The following NPAS3 variants were observed in gnomAD, a reference collection of about 807,000 sequenced individuals.
The protein encoded by NPAS3 is neuronal PAS domain protein 3.
NPAS3 carries 14 observed loss-of-function variants against 73.1 expected under a neutral mutation model. The ratio of observed to expected loss-of-function variants is 0.19; its 90% CI spans 0.13 to 0.30. The LOEUF (loss-of-function observed/expected upper bound fraction) is 0.30, where lower values mean the gene tolerates loss of function less well. Among genes scored for constraint, NPAS3 ranks in the 10% least tolerant of loss-of-function variants. The pLI, the probability that NPAS3 is intolerant of heterozygous loss-of-function variation, is 1.00. For synonymous variants in NPAS3, 620 were observed against 541.5 expected, an observed-to-expected ratio of 1.14 and a Z score of -2.01; for missense variants, 1,096 against 1,250.0, an observed-to-expected ratio of 0.88 and a Z score of 1.86.
intron 2 of NPAS3, among the ~76,000 whole-genome samples, chr14:33,105,675 T>C (rs1435283254): frequency 1.3e-5 from 2 of 151,548 alleles, no homozygotes; most frequent in Non-Finnish European, 2.9e-5. Flanking sequence ...TGTTAATCAG[T>C]CCCAAATTAG....
chr14:33,756,966 C>T (rs1483144387), intron 7 of NPAS3, among the ~76,000 whole-genome samples: 1 of 152,178 alleles, frequency 6.6e-6, no homozygotes, highest in Non-Finnish European at 1.5e-5. Flanking sequence ...TTTGATATCA[C>T]CCTTGAAGAA....
intron 3 of NPAS3, among the ~76,000 whole-genome samples, chr14:33,356,168 C>G (rs1265667897): frequency 2.6e-5 from 4 of 152,234 alleles, no homozygotes; most frequent in African/African-American, 4.8e-5. Context: ...ATTGCCTGAA[C>G]TTGCCACACT....
chr14:33,123,501 G>T (rs924128438), intron 2 of NPAS3, among the ~76,000 whole-genome samples: 2 of 152,110 alleles, frequency 1.3e-5, no homozygotes, highest in East Asian at 3.9e-4. Context: ...TTGCTGAAGT[G>T]GGTGGGGGCA....
At chr14:33,573,187 G>A (rs749930816) in intron 5 of NPAS3, among the ~76,000 whole-genome samples, 14 of 151,948 alleles carry the variant, frequency 9.2e-5, no homozygotes, top group Non-Finnish European at 1.9e-4. Context: ...AATAAAACAG[G>A]TCCAAACCCA....
chr14:33,583,608 C>T lies in NPAS3; in HGVS notation c.558+23398C>T, dbSNP rs918799514. On this transcript the variant is annotated intron_variant, in intron 5 of 11. Transcript: ENST00000356141. ...ACAATGTAAATCTGTAATTCCATAG[C>T]AGAGAAACAAATCTCTTTTTCTTTC... is the stretch of plus-strand genomic sequence containing the variant. Among the ~76,000 whole-genome samples the T allele has an allele frequency of 5.3e-5, 8 of 152,026 alleles. No homozygotes were observed. The East Asian group carries it at 1.5e-3, about 29-fold the overall frequency.
intron 3 of NPAS3, among the ~76,000 whole-genome samples, chr14:33,324,869 A>C (rs139740542): frequency 6.6e-6 from 1 of 152,254 alleles, no homozygotes; most frequent in African/African-American, 2.4e-5. Flanking sequence ...TTCTTTTAAA[A>C]ATTCAAAATA....
rs58411120 is a variant in NPAS3, at chr14:33,328,446, C to CTTTTTTTTTTTTTTTTTTTTTTTTTTTTT, written c.386-38730_386-38702dup. Among the ~76,000 whole-genome samples, 4 of 49,584 alleles carry CTTTTTTTTTTTTTTTTTTTTTTTTTTTTT rather than the reference C, an allele frequency of 8.1e-5. 2 individuals are homozygous for CTTTTTTTTTTTTTTTTTTTTTTTTTTTTT. Among genetic ancestry groups the CTTTTTTTTTTTTTTTTTTTTTTTTTTTTT allele is most frequent in the Non-Finnish European group, 1.5e-4 (4 of 26,758 alleles). 32.5% of individuals were successfully genotyped at this position (49,584 alleles called of 152,430 possible). ...TTTATCTTTCTTTTCCTTTTCTTTT[C>CTTTTTTTTTTTTTTTTTTTTTTTTTTTTT]TTTTTTTTTTTTTTTTTTTTTTTTT... On this transcript the variant is annotated intron_variant, in intron 3 of 11. Transcript: ENST00000356141.
At chr14:33,514,101 C>T (rs1329870535) in intron 4 of NPAS3, among the ~76,000 whole-genome samples, 1 of 152,054 alleles carries the variant, frequency 6.6e-6, no homozygotes, top group East Asian at 1.9e-4. Context: ...CATGAGTTCA[C>T]TCACACAATT....
chr14:33,051,146 C>A (rs1401190767), intron 1 of NPAS3, among the ~76,000 whole-genome samples: 4 of 151,184 alleles, frequency 2.6e-5, no homozygotes, highest in Admixed American at 2.6e-4. Context: ...CGGTGGCGGG[C>A]GCCTGTAGTC....
At chr14:33,150,352 A>G (rs1017148170) in intron 2 of NPAS3, among the ~76,000 whole-genome samples, 3 of 152,218 alleles carry the variant, frequency 2.0e-5, no homozygotes, top group Non-Finnish European at 4.4e-5. Context: ...GTGATGTCAC[A>G]TGTCAGAATG....
At chr14:33,687,642 A>T (rs978299868) in intron 6 of NPAS3, among the ~76,000 whole-genome samples, 3 of 152,254 alleles carry the variant, frequency 2.0e-5, no homozygotes, top group African/African-American at 7.2e-5. Flanking sequence ...TTTGACCAAT[A>T]TTTAGGAAAA....
At chr14:33,591,176 T>C (rs563900983) in intron 5 of NPAS3, among the ~76,000 whole-genome samples, 1 of 152,318 alleles carries the variant, frequency 6.6e-6, no homozygotes, top group South Asian at 2.1e-4. Context: ...TAATGACAAC[T>C]TATCAACCCT....
chr14:33,086,784 T>A (rs1412396519), intron 2 of NPAS3, among the ~76,000 whole-genome samples: 1 of 152,198 alleles, frequency 6.6e-6, no homozygotes, highest in South Asian at 2.1e-4. Flanking sequence ...CTCCTATTAG[T>A]ATGGCCTAGT....
At chr14:33,576,136 T>C (rs1048203185) in intron 5 of NPAS3, among the ~76,000 whole-genome samples, 6 of 152,202 alleles carry the variant, frequency 3.9e-5, no homozygotes, top group Admixed American at 2.6e-4. Context: ...CATCCATGTC[T>C]GTTTCCAGCT....
intron 5 of NPAS3, among the ~76,000 whole-genome samples, chr14:33,574,099 G>A (rs1240087192): frequency 6.6e-6 from 1 of 152,138 alleles, no homozygotes; most frequent in Non-Finnish European, 1.5e-5. Context: ...GTTCCAGGTT[G>A]GGAGGTGGTT....
intron 3 of NPAS3, among the ~76,000 whole-genome samples, chr14:33,314,614 A>C (rs1253513923): frequency 1.3e-5 from 2 of 152,108 alleles, no homozygotes. Flanking sequence ...TTATCATCTA[A>C]ATATAGAATA....
intron 3 of NPAS3, among the ~76,000 whole-genome samples, chr14:33,335,687 T>A (rs1195115295): frequency 6.6e-6 from 1 of 152,164 alleles, no homozygotes; most frequent in Non-Finnish European, 1.5e-5. Flanking sequence ...CTTTTGGCTG[T>A]TAGTAATCTT....
chr14:33,204,143 G>C (rs2046733177), intron 2 of NPAS3, among the ~76,000 whole-genome samples: 1 of 152,194 alleles, frequency 6.6e-6, no homozygotes, highest in East Asian at 1.9e-4. Context: ...ACGTGTGTAG[G>C]GTCCAGGGAA....
chr14:33,064,081 G>A (rs570299725), intron 2 of NPAS3, among the ~76,000 whole-genome samples: 23 of 152,134 alleles, frequency 1.5e-4, no homozygotes, highest in Middle Eastern at 3.4e-3. Flanking sequence ...TTGCCTTAAA[G>A]GAGATCATTG....
Sources: gnomAD v4.1 joint callset for allele counts (sites outside exome capture counted in the v4.1 genomes callset) on GRCh38, gnomAD v4.1.1 for gene constraint, MANE v1.5 for transcripts, NCBI Gene and HGNC (gene_info 2026-07-23, HGNC 2026-07-21) for gene names.